The following LHX6 variants were observed in gnomAD, a reference collection of about 807,000 sequenced individuals.
The protein encoded by LHX6 is LIM homeobox 6, also known as LIM/homeobox protein Lhx6.
A neutral mutation model predicts 47.1 loss-of-function variants in LHX6; 15 were observed. The observed-to-expected ratio is 0.32, with a 90% confidence interval of 0.21 to 0.49. The LOEUF is 0.49. LHX6 is among the 20% of genes least tolerant of loss of function. The probability of loss-of-function intolerance (pLI) is 0.99; values close to 1 mark genes in which losing one functional copy is unlikely to be tolerated. For synonymous variants in LHX6, 242 were observed against 233.5 expected (o/e 1.04, Z -0.33); for missense variants, 404 against 539.6 (o/e 0.75, Z 2.49).
chr9:122,204,815 G>T, intron 9 of LHX6, 35 bp from the exon 10 acceptor site: 1 of 1,507,588 alleles, frequency 6.6e-7, no homozygotes, highest in Non-Finnish European at 9.0e-7. Context: ...GGCTGAGCTG[G>T]GGGCCTGCCC....
chr9:122,206,816 A>G (rs1830197034), intron 9 of LHX6, among the ~76,000 whole-genome samples: 2 of 151,442 alleles, frequency 1.3e-5, no homozygotes, highest in Non-Finnish European at 2.9e-5. Flanking sequence ...GGCTCTCCCC[A>G]CTTCCCTGGA....
At chr9:122,206,859 C>T (rs1830199151) in intron 9 of LHX6, among the ~76,000 whole-genome samples, 1 of 152,180 alleles carries the variant, frequency 6.6e-6, no homozygotes, top group Admixed American at 6.5e-5. Flanking sequence ...CCAGGGTCCC[C>T]TCCGGCCCAA....
chr9:122,202,594 C>G lies in LHX6; in HGVS notation c.*2166G>C, dbSNP rs1830031952. 6.6e-6 allele frequency: 1 copy of G among 152,580 alleles called. No homozygotes were observed. Among genetic ancestry groups the G allele is most frequent in the Admixed American group, 6.5e-5 (1 of 15,270 alleles). 9.5% of individuals were successfully genotyped at this position (152,580 alleles called of 1,614,324 possible). On this transcript the variant is annotated 3_prime_UTR_variant, in exon 10 of 10. Transcript: ENST00000394319. ...TCCCATCATGTTCTGGATTTCAGTGCCAGCACTTCTACTTGCATTAACTTT... is the reference window on the plus strand; with the variant it reads ...TCCCATCATGTTCTGGATTTCAGTGGCAGCACTTCTACTTGCATTAACTTT...
At chr9:122,228,075 A>T in intron 1 of LHX6, 1 of 575,206 alleles carries the variant, frequency 1.7e-6, no homozygotes, top group Non-Finnish European at 3.1e-6. Context: ...AGGGTGGTTG[A>T]AGAAAAGAAA....
chr9:122,216,500 A>G (rs907354121), intron 5 of LHX6, among the ~76,000 whole-genome samples: 1 of 152,216 alleles, frequency 6.6e-6, no homozygotes, highest in African/African-American at 2.4e-5. Context: ...TCAACACAGT[A>G]TGGGAGAGCC....
At chr9:122,221,464 T>C in intron 4 of LHX6, 1 of 985,504 alleles carries the variant, frequency 1.0e-6, no homozygotes, top group Non-Finnish European at 1.2e-6. Flanking sequence ...GCGACAGAGC[T>C]TGGGCTCAAG....
At chr9:122,225,986 G>T (rs936630538) in intron 4 of LHX6, among the ~76,000 whole-genome samples, 1 of 152,162 alleles carries the variant, frequency 6.6e-6, no homozygotes, top group African/African-American at 2.4e-5. Context: ...AAGCCCGAAC[G>T]CACTGGAAAT....
At chr9:122,218,542 G>A (rs1830686913) in intron 4 of LHX6, among the ~76,000 whole-genome samples, 1 of 151,854 alleles carries the variant, frequency 6.6e-6, no homozygotes, top group Non-Finnish European at 1.5e-5. Flanking sequence ...CTCCTCCCCG[G>A]TCTCCCTGTT....
Position 122,217,260 on chromosome 9 carries a change from C to T in LHX6, c.490G>A (p.Gly164Ser), listed in dbSNP as rs1830628285. Residue 164 changes from glycine (G) to serine (S), a missense_variant, in exon 5 of 10, where the codon GGC becomes AGC. Gly to Ser is a moderately conservative substitution (Grantham distance 56). Around this residue, in one of 7 missense-constraint regions of LHX6, gnomAD observed 53 missense variants for 97.4 expected, o/e 0.54. Transcript: ENST00000394319. This position sits in a 1 kb window ranked among gnomAD's most constrained non-coding sequence, Gnocchi z 4.9. ...CAGTCGCTGGCGTAGATCTGTCGGC[C>T]GCACCGGGCACACTTGGTCCCGAAT... is the stretch of plus-strand genomic sequence containing the variant. ...SRFGTKCARC[G>S]RQIYASDWVR... is the part of the protein sequence containing the mutation. 3 of 1,613,236 alleles carry T rather than the reference C, an allele frequency of 1.9e-6. No homozygotes were observed. The highest frequency in any genetic ancestry group is 2.2e-5 in the South Asian group (2 of 91,048).
chr9:122,224,689 C>T (rs1055378258), intron 4 of LHX6, among the ~76,000 whole-genome samples: 4 of 152,118 alleles, frequency 2.6e-5, no homozygotes, highest in African/African-American at 9.7e-5. Flanking sequence ...GTCCTCACCA[C>T]TTTGCGTGCA....
Position 122,214,077 on chromosome 9 carries a change from G to A in LHX6, c.784-8C>T. On this transcript the variant is annotated splice_region_variant and splice_polypyrimidine_tract_variant and intron_variant, in intron 6 of 9. Coordinates refer to ENST00000394319, the MANE Select transcript of LHX6 (RefSeq NM_014368.5). The surrounding 1 kb of genome is among the most constrained non-coding windows in gnomAD (Gnocchi z 4.6). ...GAACTGCGCCTGCATAACCTGCGGGGCGGGGAGGGCGGTGAGGCGCTCGCA... is the reference window on the plus strand; with the variant it reads ...GAACTGCGCCTGCATAACCTGCGGGACGGGGAGGGCGGTGAGGCGCTCGCA... The A allele has an allele frequency of 6.3e-7, 1 of 1,597,684 alleles. No homozygotes were observed. The highest frequency in any genetic ancestry group is 1.3e-5 in the African/African-American group (1 of 74,956).
In LHX6 at chr9:122,213,726, C is replaced by T; in HGVS notation, c.934G>A (p.Val312Met). The T allele has an allele frequency of 6.2e-7, 1 of 1,611,266 alleles. No individual in the cohort carries two copies. Among genetic ancestry groups the T allele is most frequent in the African/African-American group, 1.3e-5 (1 of 75,042 alleles). ...RHKKHTPQHP[V>M]PPSGAPPSRL... ...GACGGGGGCGCCCCCGAGGGCGGCACTGGGTGTTGCGGCGTGTGCTTTTTA... is the reference window on the plus strand; with the variant it reads ...GACGGGGGCGCCCCCGAGGGCGGCATTGGGTGTTGCGGCGTGTGCTTTTTA... The change falls in exon 8 of 10, where the codon GTG becomes ATG. Residue 312 changes from valine (V) to methionine (M), a missense_variant. Physicochemically the swap from Val to Met is conservative, Grantham distance 21 (BLOSUM62 1). Coordinates refer to ENST00000394319, the MANE Select transcript of LHX6 (RefSeq NM_014368.5). The surrounding 1 kb of genome is among the most constrained non-coding windows in gnomAD (Gnocchi z 5.5).
chr9:122,216,505 A>G (rs1830598426), intron 5 of LHX6, among the ~76,000 whole-genome samples: 2 of 152,218 alleles, frequency 1.3e-5, no homozygotes. Context: ...ACAGTATGGG[A>G]GAGCCTGGTC....
rs1184478908 is a variant in LHX6, at chr9:122,228,716, C to G, written c.25G>C (p.Ala9Pro). 3.1e-6 allele frequency: 4 copies of G among 1,291,386 alleles called. No individual in the cohort carries two copies. Among genetic ancestry groups the G allele is most frequent in the South Asian group, 2.7e-5 (1 of 37,006 alleles). 80.0% of individuals were successfully genotyped at this position (1,291,386 alleles called of 1,614,324 possible). The change falls in exon 1 of 10, where the codon GCC becomes CCC. Residue 9 changes from alanine to proline, a missense_variant. This residue lies in a region of LHX6 where 144 missense variants were observed against 128.7 expected (regional missense o/e 1.12). Transcript: ENST00000394319. MYWKHENAAPALPEGCRLP... is the reference protein window; with the variant it reads MYWKHENAPPALPEGCRLP... ...CGGCAGCCCTCGGGCAACGCCGGGG[C>G]GGCGTTCTCATGCTTCCAGTACATG...
rs1339124900 is a variant in LHX6, at chr9:122,213,833, C to G, written c.880-53G>C. 2 of 1,544,778 alleles carry G rather than the reference C, an allele frequency of 1.3e-6. No individual in the cohort carries two copies. Among genetic ancestry groups the G allele is most frequent in the South Asian group, 2.4e-5 (2 of 84,468 alleles). ...CCTCGAGGAAAAGAGTCGGACGCGC[C>G]GCCGGGAGACCCCAGGCGGGACTGC... On this transcript the variant is annotated intron_variant, in intron 7 of 9. Transcript: ENST00000394319. The surrounding 1 kb of genome is among the most constrained non-coding windows in gnomAD (Gnocchi z 5.5).
intron 4 of LHX6, among the ~76,000 whole-genome samples, chr9:122,218,387 C>T (rs1830679130): frequency 6.6e-6 from 1 of 152,064 alleles, no homozygotes; most frequent in African/African-American, 2.4e-5. Context: ...ATCATGCACT[C>T]CTCTCTCTCC....
At chr9:122,221,208 G>A in intron 4 of LHX6, 5 of 984,774 alleles carry the variant, frequency 5.1e-6, no homozygotes, top group Non-Finnish European at 4.8e-6. Context: ...AAACCCGTAG[G>A]GGAAGAAGCC....
At chr9:122,221,217 C>A in intron 4 of LHX6, 4 of 983,550 alleles carry the variant, frequency 4.1e-6, no homozygotes, top group Non-Finnish European at 4.8e-6. Flanking sequence ...GGGGAAGAAG[C>A]CAGAGGGGGA....
In LHX6 at chr9:122,204,093, G is replaced by A. The variant is rs1440314329; in HGVS notation, c.*667C>T. On this transcript the variant is annotated 3_prime_UTR_variant, in exon 10 of 10. Coordinates refer to ENST00000394319, the MANE Select transcript of LHX6 (RefSeq NM_014368.5). ...CTCCTTGATTTCCAAACCAATGGGG[G>A]TCTTTCTTCTCCCCATTCCCTGTCT... The A allele has an allele frequency of 6.6e-6, 1 of 152,300 alleles. No homozygotes were observed. The highest frequency in any genetic ancestry group is 1.5e-5 in the Non-Finnish European group (1 of 68,066). 9.4% of individuals were successfully genotyped at this position (152,300 alleles called of 1,614,324 possible). A position where few individuals can be genotyped will look rare whatever the true frequency, so the allele number is the denominator to read the frequency against.
Sources: gnomAD v4.1 joint callset for allele counts (sites outside exome capture counted in the v4.1 genomes callset) on GRCh38, gnomAD v4.1.1 for gene constraint, gnomAD v4.1.1 regional missense constraint, Gnocchi (gnomAD v3.1) non-coding constraint, MANE v1.5 for transcripts, NCBI Gene and HGNC (gene_info 2026-07-23, HGNC 2026-07-21) for gene names.